The following TNFRSF9 variants were observed in gnomAD, a reference collection of about 807,000 sequenced individuals.
The protein encoded by TNFRSF9 is tumor necrosis factor receptor superfamily member 9.
A neutral mutation model predicts 28.8 loss-of-function variants in TNFRSF9; 16 were observed. The ratio of observed to expected loss-of-function variants is 0.55; its 90% CI spans 0.38 to 0.84. The LOEUF (loss-of-function observed/expected upper bound fraction) is 0.84, where lower values mean the gene tolerates loss of function less well. Among genes scored for constraint, TNFRSF9 ranks in the 40% least tolerant of loss-of-function variants. The pLI, the probability that TNFRSF9 is intolerant of heterozygous loss-of-function variation, is 0.00. For synonymous variants in TNFRSF9, 131 were observed against 117.0 expected, an observed-to-expected ratio of 1.12 and a Z score of -0.77; for missense variants, 303 against 315.0, an observed-to-expected ratio of 0.96 and a Z score of 0.29.
At chr1:7,923,899 AT>A (rs1313377818) in intron 7 of TNFRSF9, among the ~76,000 whole-genome samples, 1 of 152,204 alleles carries the variant, frequency 6.6e-6, no homozygotes, top group Non-Finnish European at 1.5e-5. Context: ...CAGAACTTGT[AT>A]AGTGAAAACT....
In TNFRSF9 at chr1:7,938,270, G is replaced by A. The variant is rs1314775714; in HGVS notation, c.269C>T (p.Pro90Leu). Residue 90 changes from proline to leucine, a missense_variant, in exon 4 of 8, where the codon CCA becomes CTA. Transcript: ENST00000377507. ...TCCTGCCCCCAGGCAGTGAAACCCT[G>A]GAGTGCAGTCACACTCTGCATTGCT... ...STSNAECDCT[P>L]GFHCLGAGCS... is the part of the protein sequence containing the mutation. 7.5e-6 allele frequency: 12 copies of A among 1,609,076 alleles called. No individual in the cohort carries two copies. The highest frequency in any genetic ancestry group is 9.3e-6 in the Non-Finnish European group (11 of 1,177,956).
rs1639851606 is a variant in TNFRSF9 at position 7,938,251 on chromosome 1, C to T, written c.288G>A (p.Gly96=). 4 of 1,608,120 alleles carry T rather than the reference C, an allele frequency of 2.5e-6. No individual in the cohort carries two copies. Among genetic ancestry groups the T allele is most frequent in the Non-Finnish European group, 3.4e-6 (4 of 1,177,614 alleles). The part of the protein sequence containing the change: ...CDCTPGFHCL[G]AGCSMCEQDC... ...CCTGTTCACACATGCTGCATCCTGC[C>T]CCCAGGCAGTGAAACCCTGGAGTGC... The change falls in exon 4 of 8, where the codon GGG becomes GGA. Residue 96 remains glycine (G), a synonymous_variant. Transcript: ENST00000377507.
At chr1:7,924,127 T>C (rs1002667792) in intron 7 of TNFRSF9, among the ~76,000 whole-genome samples, 2 of 151,882 alleles carry the variant, frequency 1.3e-5, no homozygotes, top group African/African-American at 4.8e-5. Flanking sequence ...ATTGCTCACG[T>C]TTGTGGTGAT....
At chr1:7,937,824 T>C (rs1359349428) in intron 4 of TNFRSF9, 68 bp from the exon 5 acceptor site, 7 of 1,387,886 alleles carry the variant, frequency 5.0e-6, no homozygotes, top group African/African-American at 2.8e-5. Context: ...TTTCCTGTGA[T>C]GAACTTAATA....
At chr1:7,937,422 G>A (rs1639833232) in intron 5 of TNFRSF9, among the ~76,000 whole-genome samples, 1 of 152,142 alleles carries the variant, frequency 6.6e-6, no homozygotes, top group South Asian at 2.1e-4. Context: ...GCCTCCCAAA[G>A]TGCTGGGATT....
chr1:7,929,157 CCTTTTTT>C (rs1639696645), intron 7 of TNFRSF9, among the ~76,000 whole-genome samples: 9 of 65,446 alleles, frequency 1.4e-4, no homozygotes, highest in African/African-American at 3.1e-4. Flanking sequence ...TTTTCTTTTT[CCTTTTTT>C]TTTTTTTTTT....
intron 7 of TNFRSF9, among the ~76,000 whole-genome samples, chr1:7,922,908 C>CTTT (rs749135432): frequency 1.5e-5 from 2 of 137,916 alleles, no homozygotes; most frequent in African/African-American, 5.3e-5. Context: ...TTTTTTTTTT[C>CTTT]TTTTTTTTTT....
At chr1:7,927,515 A>T (rs1639671912) in intron 7 of TNFRSF9, among the ~76,000 whole-genome samples, 1 of 152,040 alleles carries the variant, frequency 6.6e-6, no homozygotes, top group Non-Finnish European at 1.5e-5. Flanking sequence ...TCAGTCCAAT[A>T]GGTCCACAGC....
rs9657993 is a variant in TNFRSF9 at position 7,932,035 on chromosome 1, C to G, written c.679+1127G>C. On this transcript the variant is annotated intron_variant, in intron 7 of 7. Transcript: ENST00000377507. ...GCGCATGCCTGTAATGCCTCGGGAGCCTGAGGCAGGAGAATCGCTTGAACC... is the reference window on the plus strand; with the variant it reads ...GCGCATGCCTGTAATGCCTCGGGAGGCTGAGGCAGGAGAATCGCTTGAACC... Among the ~76,000 whole-genome samples, 872 of 152,172 alleles carry G rather than the reference C, an allele frequency of 5.7e-3. 6 individuals carry two copies. The highest frequency in any genetic ancestry group is 0.02 in the Middle Eastern group (6 of 294).
intron 2 of TNFRSF9, among the ~76,000 whole-genome samples, chr1:7,939,689 C>A (rs1407839532): frequency 2.6e-5 from 4 of 152,224 alleles, no homozygotes; most frequent in African/African-American, 4.8e-5. Context: ...CTCTTATTAT[C>A]CCCAGATGAG....
In TNFRSF9 at chr1:7,933,694, C is replaced by CA. The variant is rs201643531; in HGVS notation, c.545-399dup. 2.2e-4 allele frequency among the ~76,000 whole-genome samples: 33 copies of CA among 150,060 alleles called. No individual in the cohort carries two copies. In the East Asian group the frequency reaches 5.3e-3, roughly 24 times the overall value. On this transcript the variant is annotated intron_variant, in intron 6 of 7. Transcript: ENST00000377507. Reference sequence around the variant, plus strand: ...TGGGCAACAGAGTGAGACTCCATCTCAAAAAAAAGAAAAGAAAGAAAAGAA... The same window carrying CA: ...TGGGCAACAGAGTGAGACTCCATCTCAAAAAAAAAGAAAAGAAAGAAAAGAA...
chr1:7,926,516 T>A (rs544746413), intron 7 of TNFRSF9, among the ~76,000 whole-genome samples: 1 of 152,242 alleles, frequency 6.6e-6, no homozygotes, highest in Non-Finnish European at 1.5e-5. Context: ...GAAACTGATA[T>A]GCAGATTTAA....
chr1:7,940,071 A>G lies in TNFRSF9; in HGVS notation c.-77T>C. 9.8e-7 allele frequency: 1 copy of G among 1,022,102 alleles called. No homozygotes were observed. Among genetic ancestry groups the G allele is most frequent in the Admixed American group, 1.9e-5 (1 of 53,742 alleles). The allele number at this position is 1,022,102 out of a possible 1,614,324, so 63.3% of individuals were successfully genotyped here. A position where few individuals can be genotyped will look rare whatever the true frequency, so the allele number is the denominator to read the frequency against. ...TTAATCAAATTAGCTGGTCTCACAA[A>G]TGTCACTCTGCAAAAGATAAACATT... On this transcript the variant is annotated 5_prime_UTR_variant, in exon 2 of 8. Transcript: ENST00000377507.
At chr1:7,938,890 C>A in intron 2 of TNFRSF9, 62 bp from the exon 3 acceptor site, 1 of 1,181,710 alleles carries the variant, frequency 8.5e-7, no homozygotes, top group Non-Finnish European at 1.2e-6. Flanking sequence ...CCAAGGCATT[C>A]CGAAGTTTAC....
Position 7,916,679 on chromosome 1 carries a change from C to T in TNFRSF9, c.*4156G>A, listed in dbSNP as rs532406478. ...TGATTCAGAAAGACAAAAATATTCG[C>T]ACCTAGCTTTGTTCCTGAAATGGCA... On this transcript the variant is annotated 3_prime_UTR_variant, in exon 8 of 8. Coordinates refer to ENST00000377507, the MANE Select transcript of TNFRSF9 (RefSeq NM_001561.6). 1.1e-4 allele frequency: 17 copies of T among 152,272 alleles called. No individual in the cohort carries two copies. Among genetic ancestry groups the T allele is most frequent in the Non-Finnish European group, 1.9e-4 (13 of 68,030 alleles). The allele number at this position is 152,272 out of a possible 1,614,324, so 9.4% of individuals were successfully genotyped here.
At position 7,938,267 on chromosome 1, in the gene TNFRSF9, C is replaced by G; in HGVS notation, c.272G>C (p.Gly91Ala). 6.2e-7 allele frequency: 1 copy of G among 1,609,064 alleles called. No individual in the cohort carries two copies. The highest frequency in any genetic ancestry group is 8.5e-7 in the Non-Finnish European group (1 of 1,177,910). The change falls in exon 4 of 8, where the codon GGG (glycine) becomes GCG (alanine). Residue 91 changes from glycine to alanine, a missense_variant. Gly to Ala is a moderately conservative substitution (Grantham distance 60). Coordinates refer to ENST00000377507, the MANE Select transcript of TNFRSF9 (RefSeq NM_001561.6). ...GCATCCTGCCCCCAGGCAGTGAAACCCTGGAGTGCAGTCACACTCTGCATT... is the reference window on the plus strand; with the variant it reads ...GCATCCTGCCCCCAGGCAGTGAAACGCTGGAGTGCAGTCACACTCTGCATT... ...TSNAECDCTP[G>A]FHCLGAGCSM...
intron 7 of TNFRSF9, among the ~76,000 whole-genome samples, chr1:7,930,418 T>C (rs1384147840): frequency 6.6e-6 from 1 of 152,170 alleles, no homozygotes; most frequent in Non-Finnish European, 1.5e-5. Context: ...TAAATACTTT[T>C]GAAAAGCATT....
At position 7,933,178 on chromosome 1, in the gene TNFRSF9, C is replaced by T. The variant is rs1041338477; in HGVS notation, c.663G>A (p.Leu221=). The T allele has an allele frequency of 2.8e-5, 45 of 1,613,510 alleles. No individual in the cohort carries two copies. Among genetic ancestry groups the T allele is most frequent in the Non-Finnish European group, 3.6e-5 (43 of 1,179,840 alleles). The change falls in exon 7 of 8, where the codon CTG becomes CTA. Residue 221 remains leucine, a synonymous_variant. Transcript: ENST00000377507. ...TAATCTTACGTTGTTTGAATATATA[C>T]AGGAGTTTCTTTCTGCCCCGTTTAA... is the stretch of plus-strand genomic sequence containing the variant. ...SVVKRGRKKL[L]YIFKQPFMRP... is the part of the protein sequence containing the mutation.
In TNFRSF9 at chr1:7,933,144, T is replaced by C. The variant is rs1297072665; in HGVS notation, c.679+18A>G. 2 of 1,588,462 alleles carry C rather than the reference T, an allele frequency of 1.3e-6. No individual in the cohort carries two copies. Among genetic ancestry groups the C allele is most frequent in the East Asian group, 2.2e-5 (1 of 44,448 alleles). Reference sequence around the variant, plus strand: ...GCCTTGCCTTGCCAGAGCTGTAATATGATTATGTTAATCTTACGTTGTTTG... The same window carrying C: ...GCCTTGCCTTGCCAGAGCTGTAATACGATTATGTTAATCTTACGTTGTTTG... On this transcript the variant is annotated intron_variant, in intron 7 of 7. Coordinates refer to ENST00000377507, the MANE Select transcript of TNFRSF9 (RefSeq NM_001561.6).
Sources: allele counts gnomAD v4.1 joint callset (sites outside exome capture counted in the v4.1 genomes callset), GRCh38; gene constraint gnomAD v4.1.1; transcripts MANE v1.5; gene names NCBI Gene and HGNC (gene_info 2026-07-23, HGNC 2026-07-21).